The following SLC11A1 variants were observed in gnomAD, a reference collection of about 807,000 sequenced individuals.
SLC11A1 encodes the protein solute carrier family 11 member 1.
A neutral mutation model predicts 63.2 loss-of-function variants in SLC11A1; 59 were observed. The ratio of observed to expected loss-of-function variants is 0.93; its 90% confidence interval spans 0.76 to 1.16. The LOEUF (loss-of-function observed/expected upper bound fraction) is 1.16. SLC11A1 is among the 50% of genes most tolerant of loss of function. SLC11A1 has a pLI of 0.00. For synonymous variants in SLC11A1, 305 were observed against 307.8 expected, an observed-to-expected ratio of 0.99 and a Z score of 0.09; for missense variants, 688 against 730.7, an observed-to-expected ratio of 0.94 and a Z score of 0.67.
Position 218,384,862 on chromosome 2 carries a change from C to T in SLC11A1, c.274-285C>T. 2.8e-6 allele frequency: 1 copy of T among 362,722 alleles called. No homozygotes were observed. Among genetic ancestry groups the T allele is most frequent in the South Asian group, 2.3e-5 (1 of 44,298 alleles). The allele number at this position is 362,722 out of a possible 1,614,324, so 22.5% of individuals were successfully genotyped here. On this transcript the variant is annotated intron_variant, in intron 3 of 14. Transcript: ENST00000233202. This position sits in a 1 kb window ranked among gnomAD's most constrained non-coding sequence, Gnocchi z 4.0. ...TCGGCCTCCCAAAGTGCTGGGATAA[C>T]AGGTGTGAGCCACCTTGCCTGGCGT...
chr2:218,395,014 G>C lies in SLC11A1; in HGVS notation c.1632G>C (p.Gln544His). The C allele has an allele frequency of 6.2e-7, 1 of 1,608,330 alleles. No individual in the cohort carries two copies. The highest frequency in any genetic ancestry group is 8.5e-7 in the Non-Finnish European group (1 of 1,177,134). Reference sequence around the variant, plus strand: ...TGTATGGGCTCCTTGAAGAGGACCAGAAAGGGGAGACCTCTGGCTAGGCCC... The same window carrying C: ...TGTATGGGCTCCTTGAAGAGGACCACAAAGGGGAGACCTCTGGCTAGGCCC... The part of the protein sequence containing the change: ...HFLYGLLEED[Q>H]KGETSG The change falls in exon 15 of 15, where the codon CAG becomes CAC. Residue 544 changes from glutamine to histidine, a missense_variant. Transcript: ENST00000233202.
intron 13 of SLC11A1, chr2:218,394,395 C>A (rs915604331): frequency 2.0e-5 from 14 of 690,226 alleles, no homozygotes; most frequent in African/African-American, 3.6e-5. Flanking sequence ...GTTTCTAGAG[C>A]CTGAGCGCCT....
At chr2:218,387,335 A>AGG in intron 6 of SLC11A1, 105 bp downstream of exon 6, 1 of 1,163,358 alleles carries the variant, frequency 8.6e-7, no homozygotes, top group Non-Finnish European at 1.2e-6. Flanking sequence ...GAGCTCCCTC[A>AGG]CTCTCCCTGG....
rs1696413682 is a variant in SLC11A1, at chr2:218,391,185, C to T, written c.955-13C>T. 1.9e-6 allele frequency: 3 copies of T among 1,612,784 alleles called. No individual in the cohort carries two copies. In the Admixed American group the frequency reaches 5.0e-5, roughly 27 times the overall value. On this transcript the variant is annotated splice_polypyrimidine_tract_variant and intron_variant, in intron 9 of 14. Transcript: ENST00000233202. ...CTCCTCACATCTTCCTTCTACTGCC[C>T]TGGTACCCACAGTTCAACATCTGTG...
chr2:218,395,153 G>A lies in SLC11A1; in HGVS notation c.*118G>A. ...GACAGTTCCTGAGACCAGCCAACCT[G>A]GGGGCTTTAGGGACCTGCTGTTTCC... On this transcript the variant is annotated 3_prime_UTR_variant, in exon 15 of 15. Transcript: ENST00000233202. 1 of 706,208 alleles carries A rather than the reference G, an allele frequency of 1.4e-6. No homozygotes were observed. The highest frequency in any genetic ancestry group is 2.4e-6 in the Non-Finnish European group (1 of 417,356). The allele number at this position is 706,208 out of a possible 1,614,324, so 43.7% of individuals were successfully genotyped here.
In SLC11A1 at chr2:218,394,865, A is replaced by C. The variant is rs1574782520; in HGVS notation, c.1543-60A>C. ...ACCAATGGGGAGGGTTTGGGGGGAC[A>C]CAATGGGGCTTCCCCAGAGGTCTTG... On this transcript the variant is annotated intron_variant, in intron 14 of 14. Transcript: ENST00000233202. 1.2e-5 allele frequency: 20 copies of C among 1,604,652 alleles called. No individual in the cohort carries two copies. The East Asian group carries it at 3.8e-4, about 30-fold the overall frequency.
At chr2:218,388,607 C>A (rs1416435656) in intron 8 of SLC11A1, among the ~76,000 whole-genome samples, 1 of 148,696 alleles carries the variant, frequency 6.7e-6, no homozygotes, top group African/African-American at 2.5e-5. Context: ...ACCTCAACAG[C>A]CTGGCCAACA....
chr2:218,391,025 G>A (rs913311799), intron 9 of SLC11A1, among the ~76,000 whole-genome samples, 173 bp from the exon 10 acceptor site: 14 of 152,140 alleles, frequency 9.2e-5, no homozygotes, highest in African/African-American at 2.2e-4. Context: ...GCTACAAAAC[G>A]TAAAAGTAAA....
chr2:218,382,946 A>G lies in SLC11A1; in HGVS notation c.8-14A>G, dbSNP rs2106327158. On this transcript the variant is annotated splice_polypyrimidine_tract_variant and intron_variant, in intron 1 of 14. Transcript: ENST00000233202. ...AGAGGCAGGACACTCACCATGCTTC[A>G]TGGGCCCCCACAGGTGACAAGGGTC... The G allele has an allele frequency of 6.2e-7, 1 of 1,614,026 alleles. No homozygotes were observed. The highest frequency in any genetic ancestry group is 2.2e-5 in the East Asian group (1 of 44,864).
rs922833177 is a variant in SLC11A1, at chr2:218,387,102, C to T, written c.501-58C>T. 2.5e-5 allele frequency: 38 copies of T among 1,500,610 alleles called. 1 individual carries two copies. The South Asian group carries it at 3.6e-4, about 14-fold the overall frequency. The allele number at this position is 1,500,610 out of a possible 1,614,324, so 93.0% of individuals were successfully genotyped here. On this transcript the variant is annotated intron_variant, in intron 5 of 14. Coordinates refer to ENST00000233202, the MANE Select transcript of SLC11A1 (RefSeq NM_000578.4). Reference sequence around the variant, plus strand: ...ATTCCTGTCTCCAGCCCTGAGGCTCCGTAGGAGTTAGAGACCCCTGGACCA... The same window carrying T: ...ATTCCTGTCTCCAGCCCTGAGGCTCTGTAGGAGTTAGAGACCCCTGGACCA...
At chr2:218,389,771 G>A (rs1234159978) in intron 8 of SLC11A1, 99 bp from the exon 9 acceptor site, 1 of 1,269,102 alleles carries the variant, frequency 7.9e-7, no homozygotes, top group African/African-American at 1.5e-5. Context: ...GACTTAAGAA[G>A]GTACTGGGCT....
rs767138893 is a variant in SLC11A1 at position 218,391,323 on chromosome 2, G to A, written c.1044+36G>A. ...GTGGGTGGGGAGGGCGTGACCCAGAGAGGCTCCCCGCCTCGGGCAGGGCCA... is the reference window on the plus strand; with the variant it reads ...GTGGGTGGGGAGGGCGTGACCCAGAAAGGCTCCCCGCCTCGGGCAGGGCCA... On this transcript the variant is annotated intron_variant, in intron 10 of 14. Transcript: ENST00000233202. 1.2e-5 allele frequency: 19 copies of A among 1,614,002 alleles called. No individual in the cohort carries two copies. In the South Asian group the frequency reaches 1.9e-4, roughly 16 times the overall value.
At chr2:218,383,533 G>C (rs1231141718) in intron 2 of SLC11A1, 1 of 155,216 alleles carries the variant, frequency 6.4e-6, no homozygotes, top group East Asian at 1.9e-4. Context: ...AGGCTGGAGT[G>C]CAGTGGCGCG....
At position 218,393,003 on chromosome 2, in the gene SLC11A1, C is replaced by G; in HGVS notation, c.1187C>G (p.Ser396Ter). The stretch of plus-strand genomic sequence containing the variant: ...CAGGGCTTCCTGAGGCTGCGGTGGT[C>G]ACGCTTCGCCCGTGTCCTCCTCACC... Reference protein sequence around the residue: ...VMEGFLRLRWSRFARVLLTRS... With the variant: ...VMEGFLRLRW The change falls in exon 12 of 15, where the codon TCA becomes TGA. Residue 396 changes from serine (S) to a stop codon, truncating the protein, a stop_gained. Coordinates refer to ENST00000233202, the MANE Select transcript of SLC11A1 (RefSeq NM_000578.4). LOFTEE classifies it high-confidence loss of function. The G allele has an allele frequency of 6.3e-7, 1 of 1,593,016 alleles. No homozygotes were observed. Among genetic ancestry groups the G allele is most frequent in the Non-Finnish European group, 8.5e-7 (1 of 1,172,872 alleles).
At chr2:218,389,720 C>T (rs1176275810) in intron 8 of SLC11A1, 150 bp from the exon 9 acceptor site, 12 of 691,444 alleles carry the variant, frequency 1.7e-5, no homozygotes, top group Middle Eastern at 3.3e-4. Flanking sequence ...ATGTAGGAAA[C>T]CATCGGCTGA....
intron 5 of SLC11A1, 169 bp downstream of exon 5, chr2:218,386,910 G>T (rs905717805): frequency 1.6e-4 from 106 of 663,970 alleles, no homozygotes; most frequent in Non-Finnish European, 2.6e-4. Context: ...AAGTCACACA[G>T]ATGTGAGTCA....
chr2:218,382,664 C>T (rs1695868460), intron 1 of SLC11A1, among the ~76,000 whole-genome samples: 1 of 152,232 alleles, frequency 6.6e-6, no homozygotes, highest in African/African-American at 2.4e-5. Context: ...AGCCAAGGGG[C>T]AGACATGTGG....
Position 218,389,945 on chromosome 2 carries a change from G to A in SLC11A1, c.871G>A (p.Ala291Thr), listed in dbSNP as rs139480250. ...GTACTTCCTGATTGAGGCCACCATCGCCCTGTCCGTCTCCTTTATCATCAA... is the reference window on the plus strand; with the variant it reads ...GTACTTCCTGATTGAGGCCACCATCACCCTGTCCGTCTCCTTTATCATCAA... Reference protein sequence around the residue: ...NMYFLIEATIALSVSFIINLF... With the variant: ...NMYFLIEATITLSVSFIINLF... Residue 291 changes from alanine (A) to threonine (T), a missense_variant, in exon 9 of 15, where the codon GCC becomes ACC. Coordinates refer to ENST00000233202, the MANE Select transcript of SLC11A1 (RefSeq NM_000578.4). The A allele has an allele frequency of 1.7e-4, 277 of 1,613,870 alleles. No individual in the cohort carries two copies. The highest frequency in any genetic ancestry group is 2.2e-4 in the Non-Finnish European group (254 of 1,179,982).
At chr2:218,392,899 C>G (rs1174018377) in intron 11 of SLC11A1, 82 bp from the exon 12 acceptor site, 2 of 1,142,130 alleles carry the variant, frequency 1.8e-6, no homozygotes, top group East Asian at 5.7e-5. Flanking sequence ...AGGGATAAAT[C>G]GGTTGAGGGA....
Sources: allele counts gnomAD v4.1 joint callset (sites outside exome capture counted in the v4.1 genomes callset), GRCh38; gene constraint gnomAD v4.1.1; non-coding constraint Gnocchi (gnomAD v3.1); transcripts MANE v1.5; gene names NCBI Gene and HGNC (gene_info 2026-07-23, HGNC 2026-07-21).